Variants in C14orf132 observed in about 807,000 individuals in gnomAD.
The protein encoded by C14orf132 is uncharacterized protein C14orf132.
Under a neutral mutation model 5.8 loss-of-function variants are expected in C14orf132, and 6 were observed. The observed-to-expected ratio is 1.03, with a 90% CI of 0.57 to 2.04. The LOEUF (loss-of-function observed/expected upper bound fraction) is 2.04, where lower values mean the gene tolerates loss of function less well. C14orf132 is among the 30% of genes most tolerant of loss of function. C14orf132 has a pLI of 0.00. For missense variants in C14orf132, 125 were observed against 115.8 expected (o/e 1.08, Z -0.37); for synonymous variants, 51 against 49.8 (o/e 1.02, Z -0.10).
intron 1 of C14orf132, among the ~76,000 whole-genome samples, chr14:96,055,194 C>T (rs1336330504): frequency 6.6e-6 from 1 of 152,218 alleles, no homozygotes; most frequent in East Asian, 1.9e-4. Flanking sequence ...CTGCAGGTCC[C>T]ATGGGGCAAT....
chr14:96,077,058 A>G (rs557554002), intron 1 of C14orf132, among the ~76,000 whole-genome samples: 49 of 152,322 alleles, frequency 3.2e-4, no homozygotes, highest in African/African-American at 1.1e-3. Context: ...TTGCTTTATG[A>G]CCCAGGATAT....
At chr14:96,053,136 C>T (rs977941346) in intron 1 of C14orf132, among the ~76,000 whole-genome samples, 1 of 152,152 alleles carries the variant, frequency 6.6e-6, no homozygotes, top group Non-Finnish European at 1.5e-5. Context: ...AGCCCAGAGG[C>T]TTTTTGGATC....
intron 1 of C14orf132, among the ~76,000 whole-genome samples, chr14:96,047,489 G>T (rs1375441151): frequency 6.6e-6 from 1 of 152,136 alleles, no homozygotes; most frequent in Non-Finnish European, 1.5e-5. Context: ...CCTCCTCACT[G>T]TGTCCCCTCA....
rs1205070987 is a variant in C14orf132, at chr14:96,090,554, C to T, written c.*3819C>T. ...CAGGGACCCAGGCAGGATGATGGCG[C>T]AGCTCTTCCTACTCCAAGCCAATGC... is the stretch of plus-strand genomic sequence containing the variant. On this transcript the variant is annotated 3_prime_UTR_variant, in exon 2 of 2. Transcript: ENST00000555004. The T allele has an allele frequency of 4.4e-6, 2 of 454,110 alleles. No individual in the cohort carries two copies. Among genetic ancestry groups the T allele is most frequent in the South Asian group, 3.1e-5 (2 of 64,334 alleles). 28.1% of individuals were successfully genotyped at this position (454,110 alleles called of 1,614,324 possible).
At chr14:96,080,779 A>G (rs1231198288) in intron 1 of C14orf132, among the ~76,000 whole-genome samples, 4 of 151,996 alleles carry the variant, frequency 2.6e-5, no homozygotes, top group African/African-American at 9.7e-5. Context: ...AACACCCCAC[A>G]TCGCACTCAG....
intron 1 of C14orf132, among the ~76,000 whole-genome samples, chr14:96,053,135 G>C (rs955478385): frequency 2.6e-5 from 4 of 152,132 alleles, no homozygotes; most frequent in Non-Finnish European, 2.9e-5. Flanking sequence ...AAGCCCAGAG[G>C]CTTTTTGGAT....
Position 96,091,532 on chromosome 14 carries a change from C to A in C14orf132, c.*4797C>A. The stretch of plus-strand genomic sequence containing the variant: ...GCTTGCCCGGGATTACCTGCCCCAG[C>A]CCCGAGGTGGGTTGTGCTCCCTGCA... On this transcript the variant is annotated 3_prime_UTR_variant, in exon 2 of 2. Transcript: ENST00000555004. 6.2e-6 allele frequency: 1 copy of A among 160,676 alleles called. No individual in the cohort carries two copies. The highest frequency in any genetic ancestry group is 1.4e-5 in the Non-Finnish European group (1 of 73,396). 10.0% of individuals were successfully genotyped at this position (160,676 alleles called of 1,614,324 possible).
intron 1 of C14orf132, among the ~76,000 whole-genome samples, chr14:96,058,964 A>G (rs1197444821): frequency 6.6e-6 from 1 of 152,232 alleles, no homozygotes; most frequent in Non-Finnish European, 1.5e-5. Flanking sequence ...AGAGGGGCTC[A>G]AGATTACCTT....
At chr14:96,067,922 C>T (rs1250909983) in intron 1 of C14orf132, among the ~76,000 whole-genome samples, 1 of 152,102 alleles carries the variant, frequency 6.6e-6, no homozygotes, top group African/African-American at 2.4e-5. Flanking sequence ...GTGCCTGTGT[C>T]CTCGCCTGTC....
intron 1 of C14orf132, among the ~76,000 whole-genome samples, chr14:96,075,995 G>A (rs968085591): frequency 6.6e-6 from 1 of 152,078 alleles, no homozygotes; most frequent in Non-Finnish European, 1.5e-5. Context: ...TCTACAACTT[G>A]TATTTTTCTT....
At chr14:96,083,436 A>G (rs910230362) in intron 1 of C14orf132, among the ~76,000 whole-genome samples, 1 of 152,172 alleles carries the variant, frequency 6.6e-6, no homozygotes, top group Non-Finnish European at 1.5e-5. Context: ...TTCATGGCCA[A>G]AAGGACTTTG....
intron 1 of C14orf132, among the ~76,000 whole-genome samples, chr14:96,048,741 G>T (rs965680389): frequency 2.6e-5 from 4 of 151,970 alleles, no homozygotes; most frequent in African/African-American, 7.2e-5. Flanking sequence ...GGCCAGGCTG[G>T]TCTCTAACTC....
At chr14:96,052,477 C>T (rs1887058653) in intron 1 of C14orf132, among the ~76,000 whole-genome samples, 1 of 152,228 alleles carries the variant, frequency 6.6e-6, no homozygotes, top group Non-Finnish European at 1.5e-5. Flanking sequence ...CCTTGAGGGC[C>T]AAGGTTCTCA....
chr14:96,040,588 A>T (rs759998336), intron 1 of C14orf132, among the ~76,000 whole-genome samples: 1 of 152,184 alleles, frequency 6.6e-6, no homozygotes, highest in Non-Finnish European at 1.5e-5. Flanking sequence ...CTGTTTAAAA[A>T]GTGACAGCAA....
At chr14:96,081,279 G>A (rs1381167994) in intron 1 of C14orf132, among the ~76,000 whole-genome samples, 1 of 152,148 alleles carries the variant, frequency 6.6e-6, no homozygotes, top group African/African-American at 2.4e-5. Context: ...TTTTCATCCA[G>A]TGTTAAGAAC....
At chr14:96,040,545 G>C (rs901541200) in intron 1 of C14orf132, among the ~76,000 whole-genome samples, 1 of 152,168 alleles carries the variant, frequency 6.6e-6, no homozygotes, top group South Asian at 2.1e-4. Flanking sequence ...GGGGACACTT[G>C]CTTTTTCCCC....
At chr14:96,067,476 G>A (rs1230634584) in intron 1 of C14orf132, among the ~76,000 whole-genome samples, 1 of 152,116 alleles carries the variant, frequency 6.6e-6, no homozygotes, top group Non-Finnish European at 1.5e-5. Context: ...AAGGGGAGCA[G>A]ATCACCTCAG....
chr14:96,060,736 C>T lies in C14orf132; in HGVS notation c.27+21209C>T, dbSNP rs1887327316. 2.0e-5 allele frequency among the ~76,000 whole-genome samples: 3 copies of T among 152,156 alleles called. No homozygotes were observed. In the South Asian group the frequency reaches 6.2e-4, roughly 32 times the overall value. ...TGGCCAGAGGCCTCTTCTCTCCCACCCGTGCCCAGTGCCAGGGACTCAGCC... is the reference window on the plus strand; with the variant it reads ...TGGCCAGAGGCCTCTTCTCTCCCACTCGTGCCCAGTGCCAGGGACTCAGCC... On this transcript the variant is annotated intron_variant, in intron 1 of 1. Coordinates refer to ENST00000555004, the MANE Select transcript of C14orf132 (RefSeq NM_001252507.3).
intron 1 of C14orf132, among the ~76,000 whole-genome samples, chr14:96,080,784 A>C (rs1347123761): frequency 1.3e-5 from 2 of 151,816 alleles, no homozygotes; most frequent in African/African-American, 2.4e-5. Context: ...CCCACATCGC[A>C]CTCAGCCACC....
Sources: gnomAD v4.1 joint callset for allele counts (sites outside exome capture counted in the v4.1 genomes callset) on GRCh38, gnomAD v4.1.1 for gene constraint, MANE v1.5 for transcripts, NCBI Gene and HGNC (gene_info 2026-07-23, HGNC 2026-07-21) for gene names.